NCOR2: variants seen among roughly 807,000 people sequenced by gnomAD.
NCOR2 encodes the protein CTG repeat protein 26.
In NCOR2, 81 loss-of-function variants were observed where a neutral mutation model predicts 262.9. That is an observed-to-expected ratio of 0.31 (90% CI 0.26 to 0.37). NCOR2 has a LOEUF of 0.37. Ranked by LOEUF, NCOR2 falls within the 10% of genes least tolerant of loss-of-function variation. The pLI is 1.00. For missense variants in NCOR2, 3,385 were observed against 3,621.4 expected (o/e 0.93, Z 1.68); for synonymous variants, 1,659 against 1,559.3 (o/e 1.06, Z -1.51).
chr12:124,437,095 T>A (rs1464733409), intron 8 of NCOR2, among the ~76,000 whole-genome samples: 1 of 151,396 alleles, frequency 6.6e-6, no homozygotes, highest in Non-Finnish European at 1.5e-5. Flanking sequence ...CAAAAATAAA[T>A]AATAAATAAA....
intron 17 of NCOR2, among the ~76,000 whole-genome samples, chr12:124,380,890 T>C (rs2136085149): frequency 6.6e-6 from 1 of 152,174 alleles, no homozygotes; most frequent in South Asian, 2.1e-4. Flanking sequence ...AGTTAATCCT[T>C]ACACACATGG....
chr12:124,429,299 TG>T (rs1360299842), intron 10 of NCOR2: 1 of 371,242 alleles, frequency 2.7e-6, no homozygotes, highest in Non-Finnish European at 5.0e-6. Flanking sequence ...AGGCAGGAGA[TG>T]GGAAGAGTGA....
intron 1 of NCOR2, among the ~76,000 whole-genome samples, chr12:124,533,927 T>A (rs1443531293): frequency 7.2e-6 from 1 of 139,702 alleles, no homozygotes; most frequent in Non-Finnish European, 1.6e-5. Context: ...GAGACCTTTT[T>A]GTGATTTTTT....
At chr12:124,550,860 G>A (rs1004324923) in intron 1 of NCOR2, among the ~76,000 whole-genome samples, 5 of 152,230 alleles carry the variant, frequency 3.3e-5, no homozygotes, top group South Asian at 2.1e-4. Context: ...CACTGGCCAC[G>A]GCACCCAGGC....
At chr12:124,465,559 T>C (rs2046376303) in intron 5 of NCOR2, among the ~76,000 whole-genome samples, 1 of 152,168 alleles carries the variant, frequency 6.6e-6, no homozygotes, top group South Asian at 2.1e-4. Flanking sequence ...ACTCTGTGTT[T>C]CAATCATCTC....
chr12:124,534,607 T>G (rs1448792173), intron 1 of NCOR2, among the ~76,000 whole-genome samples: 1 of 152,248 alleles, frequency 6.6e-6, no homozygotes, highest in African/African-American at 2.4e-5. Context: ...CAGAACACGC[T>G]GTGTGCCCGC....
exon 34 of NCOR2, chr12:124,341,923 G>A (rs1416154454): frequency 7.4e-6 from 12 of 1,612,988 alleles, no homozygotes; most frequent in Admixed American, 1.7e-5. Flanking sequence ...CCGCGTTGTG[G>A]TGCATCTGCT....
chr12:124,354,691 A>C, intron 25 of NCOR2, 109 bp from the exon 28 acceptor site: 1 of 1,313,090 alleles, frequency 7.6e-7, no homozygotes, highest in Non-Finnish European at 1.0e-6. Flanking sequence ...CCTCCCCACC[A>C]TGTTCCAGCC....
At chr12:124,554,273 C>G (rs1047646438) in intron 1 of NCOR2, among the ~76,000 whole-genome samples, 1 of 152,230 alleles carries the variant, frequency 6.6e-6, no homozygotes, top group African/African-American at 2.4e-5. Context: ...AAAAATCACA[C>G]AGCAATCTGG....
intron 46 of NCOR2, among the ~76,000 whole-genome samples, chr12:124,325,804 AG>A (rs996183277): frequency 1.3e-5 from 2 of 152,108 alleles, no homozygotes; most frequent in African/African-American, 4.8e-5. Flanking sequence ...CCTGGACTAT[AG>A]CAGTAGCCTA....
intron 1 of NCOR2, among the ~76,000 whole-genome samples, chr12:124,551,269 A>C (rs2051705233): frequency 6.6e-6 from 1 of 152,176 alleles, no homozygotes; most frequent in African/African-American, 2.4e-5. Context: ...GACTGCACTG[A>C]ATTATATACA....
rs759972427 is a variant in NCOR2, at chr12:124,503,959, C to A, written c.-117-8591G>T. Among the ~76,000 whole-genome samples the A allele has an allele frequency of 6.6e-6, 1 of 152,186 alleles. No homozygotes were observed. The highest frequency in any genetic ancestry group is 1.5e-5 in the Non-Finnish European group (1 of 68,034). ...GAGGGACACAGAAAGGCACTGTCGC[C>A]TTCAGGAACCCCCAAACCCATATAA... On this transcript the variant is annotated intron_variant, in intron 1 of 46. Coordinates refer to the NCOR2 transcript ENST00000404621. The surrounding 1 kb of genome is among the most constrained non-coding windows in gnomAD (Gnocchi z 4.3).
chr12:124,329,491 C>A (rs2034995114), intron 44 of NCOR2, among the ~76,000 whole-genome samples: 1 of 151,712 alleles, frequency 6.6e-6, no homozygotes, highest in Non-Finnish European at 1.5e-5. Flanking sequence ...ACACAAAAAA[C>A]AAAAATCAGT....
intron 20 of NCOR2, 110 bp downstream of exon 22, chr12:124,371,912 G>T: frequency 8.9e-7 from 1 of 1,125,096 alleles, no homozygotes; most frequent in Non-Finnish European, 1.2e-6. Context: ...CACACCTCGG[G>T]CTCCCCCAAA....
chr12:124,327,128 G>A (rs2034737035), intron 45 of NCOR2, among the ~76,000 whole-genome samples: 1 of 152,170 alleles, frequency 6.6e-6, no homozygotes, highest in African/African-American at 2.4e-5. Flanking sequence ...AAGGCGGGAG[G>A]ACTGGGGGGC....
intron 7 of NCOR2, among the ~76,000 whole-genome samples, chr12:124,439,228 GACAGAGGGAGACAGAGACCC>G: frequency 2.8e-5 from 1 of 35,838 alleles, no homozygotes; most frequent in African/African-American, 9.4e-5. Context: ...GAGACCCAGA[GACAGAGGGAGACAGAGACCC>G]AGAGAGAGAG....
At chr12:124,451,849 A>G (rs879783602) in intron 6 of NCOR2, among the ~76,000 whole-genome samples, 1 of 63,470 alleles carries the variant, frequency 1.6e-5, no homozygotes, top group African/African-American at 6.2e-5. Flanking sequence ...ACCCCCGCCC[A>G]CCCATCCCCA....
rs1270922218 is a variant in NCOR2 at position 124,566,095 on chromosome 12, C to T, written c.-165+1213G>A. The stretch of plus-strand genomic sequence containing the variant: ...ACGCGCCCAGAACTCCCCCACCCCG[C>T]CCACAGGGTCCTCCCCTTATCCCCT... On this transcript the variant is annotated intron_variant, in intron 1 of 32. Transcript: ENST00000458234. The surrounding 1 kb of genome is among the most constrained non-coding windows in gnomAD (Gnocchi z 4.3). Among the ~76,000 whole-genome samples the T allele has an allele frequency of 6.6e-6, 1 of 152,178 alleles. No homozygotes were observed. Among genetic ancestry groups the T allele is most frequent in the African/African-American group, 2.4e-5 (1 of 41,440 alleles).
rs773946646 is a variant in NCOR2, at chr12:124,340,358, C to A, written c.5424G>T (p.Arg1808=). The A allele has an allele frequency of 1.9e-6, 3 of 1,612,988 alleles. No homozygotes were observed. In the East Asian group the frequency reaches 6.7e-5, roughly 36 times the overall value. The change falls in exon 36 of 47, where the codon CGG becomes CGT. Residue 1808 remains arginine (R), a synonymous_variant. Transcript: ENST00000405201. The stretch of plus-strand genomic sequence containing the variant: ...ACGTGAGGATGGACTTTTCCCGCTC[C>A]CGATCCCGGTCCCGCTCTCGATCCC...
Sources: allele counts gnomAD v4.1 joint callset (sites outside exome capture counted in the v4.1 genomes callset), GRCh38; gene constraint gnomAD v4.1.1; non-coding constraint Gnocchi (gnomAD v3.1); transcripts MANE v1.5; gene names NCBI Gene and HGNC (gene_info 2026-07-23, HGNC 2026-07-21).